The following PNPLA1 variants were observed in gnomAD, a reference collection of about 807,000 sequenced individuals.
PNPLA1 encodes the protein omega-hydroxyceramide transacylase.
PNPLA1 carries 36 observed loss-of-function variants against 51.7 expected under a neutral mutation model. The observed-to-expected ratio is 0.70, with a 90% CI of 0.53 to 0.92. The LOEUF (loss-of-function observed/expected upper bound fraction) is 0.92. Among genes scored for constraint, PNPLA1 ranks in the 40% least tolerant of loss-of-function variants. PNPLA1 has a pLI of 0.00. For missense variants in PNPLA1, 658 were observed against 682.5 expected (o/e 0.96, Z 0.40); for synonymous variants, 293 against 280.1 (o/e 1.05, Z -0.46).
intron 1 of PNPLA1, among the ~76,000 whole-genome samples, chr6:36,255,109 G>A (rs887765969): frequency 1.3e-5 from 2 of 152,148 alleles, no homozygotes; most frequent in African/African-American, 4.8e-5. Context: ...TCTAATGCCC[G>A]TAATCCCAGC....
chr6:36,290,707 C>T (rs1336224126), intron 1 of PNPLA1, among the ~76,000 whole-genome samples: 3 of 152,166 alleles, frequency 2.0e-5, no homozygotes, highest in Non-Finnish European at 4.4e-5. Context: ...TTACATAGTC[C>T]ATATCTCAGG....
chr6:36,262,193 C>T (rs1769664991), intron 1 of PNPLA1, among the ~76,000 whole-genome samples: 1 of 152,144 alleles, frequency 6.6e-6, no homozygotes, highest in Non-Finnish European at 1.5e-5. Flanking sequence ...GATCCTCTGG[C>T]TCAGACCTGT....
intron 5 of PNPLA1, among the ~76,000 whole-genome samples, chr6:36,295,982 T>C (rs1770847168): frequency 6.6e-6 from 1 of 152,200 alleles, no homozygotes; most frequent in South Asian, 2.1e-4. Flanking sequence ...ACATGTCTTT[T>C]ATGTGCTAAC....
Position 36,300,200 on chromosome 6 carries a change from A to T in PNPLA1, c.776-1661A>T, listed in dbSNP as rs1770992925. ...GTGTGAGAGAGAGAGAGAGAGAGAG[A>T]GAGAGAGAGAGAGAGACAGAGTCTT... On this transcript the variant is annotated intron_variant, in intron 5 of 8. Transcript: ENST00000636260. Among the ~76,000 whole-genome samples, 4 of 121,474 alleles carry T rather than the reference A, an allele frequency of 3.3e-5. No individual in the cohort carries two copies. The South Asian group carries it at 1.1e-3, about 34-fold the overall frequency. 79.7% of individuals were successfully genotyped at this position (121,474 alleles called of 152,430 possible). A position where few individuals can be genotyped will look rare whatever the true frequency, so the allele number is the denominator to read the frequency against.
chr6:36,307,578 T>A lies in PNPLA1; in HGVS notation c.1470-9T>A. On this transcript the variant is annotated splice_polypyrimidine_tract_variant and intron_variant, in intron 7 of 8. Transcript: ENST00000636260. ...CATAATGAACCATCTACTTAATCTCTTTGCCTAGGGAGAGCCCTGCTGAAG... is the reference window on the plus strand; with the variant it reads ...CATAATGAACCATCTACTTAATCTCATTGCCTAGGGAGAGCCCTGCTGAAG... 6.2e-7 allele frequency: 1 copy of A among 1,612,782 alleles called. No individual in the cohort carries two copies. The highest frequency in any genetic ancestry group is 8.5e-7 in the Non-Finnish European group (1 of 1,179,260).
At chr6:36,300,032 A>AT (rs1770981894) in intron 5 of PNPLA1, among the ~76,000 whole-genome samples, 2 of 151,940 alleles carry the variant, frequency 1.3e-5, no homozygotes, top group African/African-American at 4.8e-5. Context: ...GCTTATTCAG[A>AT]TTTTCTCAGT....
At chr6:36,267,785 G>GC (rs528795732), upstream of PNPLA1, among the ~76,000 whole-genome samples, 603 of 151,470 alleles carry the variant, frequency 4.0e-3, 4 homozygotes, top group South Asian at 0.033. Context: ...TGCCATCCCT[G>GC]CCCCCCCCAT....
intron 1 of PNPLA1, among the ~76,000 whole-genome samples, chr6:36,283,350 A>G (rs1770378314): frequency 6.6e-6 from 1 of 152,252 alleles, no homozygotes; most frequent in South Asian, 2.1e-4. Context: ...AATTCAAGAA[A>G]GACAGTTGAG....
At chr6:36,276,295 ACTTTT>A (rs946794385) in intron 1 of PNPLA1, among the ~76,000 whole-genome samples, 17 of 151,954 alleles carry the variant, frequency 1.1e-4, no homozygotes, top group African/African-American at 4.1e-4. Flanking sequence ...CCACTTCCCC[ACTTTT>A]GTAGCCAGTT....
chr6:36,288,888 A>G (rs1011579573), intron 1 of PNPLA1, among the ~76,000 whole-genome samples: 21 of 152,190 alleles, frequency 1.4e-4, no homozygotes, highest in Non-Finnish European at 2.2e-4. Context: ...GTGAGCTATC[A>G]TGGTGTCCAG....
intron 1 of PNPLA1, among the ~76,000 whole-genome samples, chr6:36,261,586 G>A (rs1269123759): frequency 6.6e-6 from 1 of 152,192 alleles, no homozygotes; most frequent in Admixed American, 6.5e-5. Context: ...TCCAATCTTC[G>A]TGCACTGACC....
intron 6 of PNPLA1, among the ~76,000 whole-genome samples, chr6:36,303,585 A>C (rs1397357497): frequency 6.6e-6 from 1 of 152,176 alleles, no homozygotes; most frequent in African/African-American, 2.4e-5. Flanking sequence ...TAATTCCAGC[A>C]CTTTGGGAGG....
At chr6:36,293,993 G>A (rs1040695014) in intron 3 of PNPLA1, among the ~76,000 whole-genome samples, 197 bp from the exon 4 acceptor site, 1 of 152,266 alleles carries the variant, frequency 6.6e-6, no homozygotes. Context: ...AGAGGCCAAT[G>A]CAGACTCACT....
chr6:36,297,585 A>G (rs553443775), intron 5 of PNPLA1, among the ~76,000 whole-genome samples: 1 of 152,112 alleles, frequency 6.6e-6, no homozygotes, highest in Non-Finnish European at 1.5e-5. Context: ...GAGGAGAATT[A>G]ATTATTCTTG....
intron 1 of PNPLA1, among the ~76,000 whole-genome samples, chr6:36,271,907 G>C (rs1037033206): frequency 1.4e-4 from 21 of 152,228 alleles, no homozygotes; most frequent in African/African-American, 5.1e-4. Context: ...CATGCCTGAA[G>C]TAAGTTATTG....
At chr6:36,267,529 C>T (rs1005790148), upstream of PNPLA1, among the ~76,000 whole-genome samples, 2 of 152,188 alleles carry the variant, frequency 1.3e-5, no homozygotes, top group Non-Finnish European at 2.9e-5. Context: ...CAGCCGGGTC[C>T]AAGCAGGTGG....
intron 3 of PNPLA1, 91 bp downstream of exon 3, chr6:36,293,217 C>T: frequency 1.1e-5 from 14 of 1,285,098 alleles, no homozygotes; most frequent in Non-Finnish European, 1.6e-5. Flanking sequence ...GGGGTGGTCT[C>T]AGAATGCAGC....
At chr6:36,291,586 A>T in intron 2 of PNPLA1, 34 bp downstream of exon 2, 7 of 42,828 alleles carry the variant, frequency 1.6e-4, no homozygotes, top group East Asian at 4.5e-4. Flanking sequence ...AGGGACACGG[A>T]GGGGGCGGGG....
At chr6:36,286,288 T>A (rs1770485380) in intron 1 of PNPLA1, among the ~76,000 whole-genome samples, 1 of 152,190 alleles carries the variant, frequency 6.6e-6, no homozygotes. Context: ...CTCCAAAGCC[T>A]AAGCTCTTTC....
Sources: gnomAD v4.1 joint callset for allele counts (sites outside exome capture counted in the v4.1 genomes callset) on GRCh38, gnomAD v4.1.1 for gene constraint, MANE v1.5 for transcripts, NCBI Gene and HGNC (gene_info 2026-07-23, HGNC 2026-07-21) for gene names.